THRB: variants seen among roughly 807,000 people sequenced by gnomAD.
THRB encodes the protein nuclear receptor subfamily 1 group A member 2.
In THRB, 12 loss-of-function variants were observed where a neutral mutation model predicts 47.8. That is an observed-to-expected ratio of 0.25 (90% CI 0.16 to 0.41). The LOEUF is 0.41. THRB is among the 10% of genes least tolerant of loss of function. The pLI is 1.00. For missense variants in THRB, 348 were observed against 589.2 expected, an observed-to-expected ratio of 0.59 and a Z score of 4.24; for synonymous variants, 218 against 212.2, an observed-to-expected ratio of 1.03 and a Z score of -0.24.
intron 3 of THRB, among the ~76,000 whole-genome samples, chr3:24,283,831 T>G (rs1218834101): frequency 6.6e-6 from 1 of 151,966 alleles, no homozygotes; most frequent in South Asian, 2.1e-4. Flanking sequence ...CCATTCACAA[T>G]TGCTACAAAG....
intron 1 of THRB, among the ~76,000 whole-genome samples, chr3:24,407,107 C>T (rs1037310688): frequency 1.3e-5 from 2 of 151,806 alleles, no homozygotes; most frequent in Non-Finnish European, 2.9e-5. Context: ...GTATTGGGCA[C>T]TGTCCACAAG....
chr3:24,125,151 T>G (rs2032501203), intron 10 of THRB, among the ~76,000 whole-genome samples: 1 of 152,228 alleles, frequency 6.6e-6, no homozygotes, highest in Admixed American at 6.5e-5. Flanking sequence ...CATCTTATTA[T>G]TCAGTAATAA....
At chr3:24,477,007 A>AT (rs558247174) in intron 1 of THRB, among the ~76,000 whole-genome samples, 5,084 of 126,464 alleles carry the variant, frequency 0.04, 159 homozygotes, top group East Asian at 0.089. Flanking sequence ...GGTTTTCAAG[A>AT]TTTTTTTTTT....
chr3:24,320,190 GA>G (rs2058389262), intron 2 of THRB, among the ~76,000 whole-genome samples: 1 of 152,208 alleles, frequency 6.6e-6, no homozygotes, highest in African/African-American at 2.4e-5. Context: ...AAACTTTGCA[GA>G]AATGTGAGAT....
At position 24,127,509 on chromosome 3, in the gene THRB, C is replaced by T; in HGVS notation, c.1134G>A (p.Leu378=). 3 of 1,614,212 alleles carry T rather than the reference C, an allele frequency of 1.9e-6. No individual in the cohort carries two copies. The highest frequency in any genetic ancestry group is 2.5e-6 in the Non-Finnish European group (3 of 1,180,034). Residue 378 remains leucine, a synonymous_variant, in exon 10 of 11, where the codon CTG becomes CTA. Transcript: ENST00000646209. ...TCTAGGCGTACTCACCTGAAGACAT[C>T]AGCAGGACGGCCTGAAGGAGGGCTA... The part of the protein sequence containing the change: ...TEVALLQAVL[L]MSSDRPGLAC...
intron 3 of THRB, among the ~76,000 whole-genome samples, chr3:24,261,575 C>T (rs1458010410): frequency 2.0e-5 from 3 of 151,836 alleles, no homozygotes; most frequent in East Asian, 1.9e-4. Flanking sequence ...CATTTCCCTG[C>T]TCCCCTTTAG....
At chr3:24,137,871 TAG>T (rs1454789477) in intron 8 of THRB, among the ~76,000 whole-genome samples, 2 of 151,904 alleles carry the variant, frequency 1.3e-5, no homozygotes, top group African/African-American at 2.4e-5. Flanking sequence ...GGGATGGCAG[TAG>T]AGATGGAGAG....
chr3:24,325,356 A>G (rs542859189), intron 2 of THRB, among the ~76,000 whole-genome samples: 2 of 152,186 alleles, frequency 1.3e-5, no homozygotes, highest in Admixed American at 1.3e-4. Flanking sequence ...AAAGAAAGTA[A>G]TTGGTTCACT....
At chr3:24,373,745 C>A (rs1355662472) in intron 1 of THRB, among the ~76,000 whole-genome samples, 1 of 152,108 alleles carries the variant, frequency 6.6e-6, no homozygotes, top group Non-Finnish European at 1.5e-5. Flanking sequence ...TGTGGATGAA[C>A]TGTAACCTAG....
intron 4 of THRB, among the ~76,000 whole-genome samples, chr3:24,216,308 G>C (rs2046552156): frequency 6.6e-6 from 1 of 152,148 alleles, no homozygotes; most frequent in South Asian, 2.1e-4. Flanking sequence ...CCATGAGTCA[G>C]ATGTTAAAAA....
chr3:24,422,489 AT>A (rs1468092831), intron 1 of THRB, among the ~76,000 whole-genome samples: 3 of 151,788 alleles, frequency 2.0e-5, no homozygotes, highest in African/African-American at 7.2e-5. Context: ...ACTTCCCTTT[AT>A]TTTGGATTTC....
At chr3:24,227,118 G>C (rs2047731467) in intron 4 of THRB, among the ~76,000 whole-genome samples, 1 of 152,020 alleles carries the variant, frequency 6.6e-6, no homozygotes, top group Non-Finnish European at 1.5e-5. Context: ...TGTTCTTTGA[G>C]TCCAGATCTT....
At chr3:24,183,082 T>C (rs1383149630) in intron 5 of THRB, among the ~76,000 whole-genome samples, 5 of 152,186 alleles carry the variant, frequency 3.3e-5, no homozygotes, top group Non-Finnish European at 5.9e-5. Context: ...AAAAATACTT[T>C]GGTTGTTGCT....
At chr3:24,398,088 T>C (rs962935125) in intron 1 of THRB, among the ~76,000 whole-genome samples, 1 of 152,130 alleles carries the variant, frequency 6.6e-6, no homozygotes, top group African/African-American at 2.4e-5. Context: ...CATAATGATG[T>C]TGAATAGACA....
intron 1 of THRB, among the ~76,000 whole-genome samples, chr3:24,337,660 C>A (rs2062349423): frequency 6.6e-6 from 1 of 152,086 alleles, no homozygotes. Context: ...AGGAACAAGA[C>A]CCAAGAGCTT....
At chr3:24,381,397 C>A (rs1204205695) in intron 1 of THRB, among the ~76,000 whole-genome samples, 1 of 152,058 alleles carries the variant, frequency 6.6e-6, no homozygotes, top group Admixed American at 6.6e-5. Flanking sequence ...ATCCAGAGGG[C>A]AGGACTCTGA....
At chr3:24,264,816 T>G (rs1559771426) in intron 3 of THRB, among the ~76,000 whole-genome samples, 1 of 151,144 alleles carries the variant, frequency 6.6e-6, no homozygotes, top group Non-Finnish European at 1.5e-5. Flanking sequence ...AAACTGGACT[T>G]TGTGCTTTTA....
intron 4 of THRB, among the ~76,000 whole-genome samples, chr3:24,192,277 G>A (rs1440257386): frequency 6.6e-6 from 1 of 152,100 alleles, no homozygotes; most frequent in East Asian, 1.9e-4. Context: ...GGTTTTTCAT[G>A]AGCTAAATAT....
chr3:24,257,859 T>C (rs1191539473), intron 3 of THRB, among the ~76,000 whole-genome samples: 1 of 152,240 alleles, frequency 6.6e-6, no homozygotes, highest in Non-Finnish European at 1.5e-5. Flanking sequence ...CAGAGGCTAA[T>C]ATTCCACAGC....
Sources: allele counts gnomAD v4.1 joint callset (sites outside exome capture counted in the v4.1 genomes callset), GRCh38; gene constraint gnomAD v4.1.1; transcripts MANE v1.5; gene names NCBI Gene and HGNC (gene_info 2026-07-23, HGNC 2026-07-21).